ZNF732: variants seen among roughly 807,000 people sequenced by gnomAD.
The protein encoded by ZNF732 is zinc finger protein 732.
ZNF732 carries 12 observed loss-of-function variants against 11.5 expected under a neutral mutation model. The observed-to-expected ratio is 1.05, with a 90% CI of 0.67 to 1.70. ZNF732 has a LOEUF of 1.70. Among genes scored for constraint, ZNF732 ranks in the 40% most tolerant of loss-of-function variants. ZNF732 has a pLI of 0.00. For missense variants in ZNF732, 702 were observed against 676.9 expected (o/e 1.04, Z -0.41); for synonymous variants, 231 against 236.5 (o/e 0.98, Z 0.21).
intron 1 of ZNF732, 39 bp downstream of exon 1, chr4:305,269 G>A: frequency 6.3e-7 from 1 of 1,599,746 alleles, no homozygotes; most frequent in Non-Finnish European, 8.5e-7. Context: ...GTTCGGATGA[G>A]GCCTCCCCAG....
intron 1 of ZNF732, among the ~76,000 whole-genome samples, chr4:299,597 T>G (rs1206365814): frequency 7.2e-6 from 1 of 139,820 alleles, no homozygotes; most frequent in Non-Finnish European, 1.5e-5. Flanking sequence ...TAAATATATA[T>G]TTATAAATTA....
Position 305,442 on chromosome 4 carries a change from G to T in ZNF732, c.-132C>A. 7.6e-7 allele frequency: 1 copy of T among 1,310,758 alleles called. No homozygotes were observed. Among genetic ancestry groups the T allele is most frequent in the Non-Finnish European group, 1.0e-6 (1 of 953,144 alleles). 81.2% of individuals were successfully genotyped at this position (1,310,758 alleles called of 1,614,324 possible). On this transcript the variant is annotated 5_prime_UTR_variant, in exon 1 of 4. Transcript: ENST00000419098. ...TGAGGGGTGAAAGCACGGCCGTGGA[G>T]ACCCTAACCGAGCTCACGCTGGCGC...
At chr4:293,067 CAAAAAAAAAAAAA>C (rs1227557602) in intron 3 of ZNF732, among the ~76,000 whole-genome samples, 1 of 35,150 alleles carries the variant, frequency 2.8e-5, no homozygotes, top group South Asian at 1.1e-3. Flanking sequence ...GACTCCATCT[CAAAAAAAAAAAAA>C]AAAAAAAAAA....
chr4:278,848 G>C (rs1411313140), intron 3 of ZNF732, among the ~76,000 whole-genome samples: 1 of 152,148 alleles, frequency 6.6e-6, no homozygotes, highest in Admixed American at 6.5e-5. Context: ...GGTGAGTGTA[G>C]TGTCTGACTC....
In ZNF732 at chr4:279,574, G is replaced by A. The variant is rs1411357915; in HGVS notation, c.227-6944C>T. Among the ~76,000 whole-genome samples the A allele has an allele frequency of 3.3e-5, 5 of 152,138 alleles. No homozygotes were observed. The East Asian group carries it at 9.6e-4, about 29-fold the overall frequency. On this transcript the variant is annotated intron_variant, in intron 3 of 3. Transcript: ENST00000419098. ...AGGACCTGAAGAGAAAAAAATGGCA[G>A]TTTATTGTTTATGAGGTATGAACTT...
intron 3 of ZNF732, among the ~76,000 whole-genome samples, chr4:281,810 A>C (rs28616744): frequency 6.6e-6 from 1 of 152,238 alleles, no homozygotes; most frequent in African/African-American, 2.4e-5. Flanking sequence ...TCAGGCAAAC[A>C]TAACAGCATG....
chr4:271,109 T>G lies in ZNF732; in HGVS notation c.1748A>C (p.Glu583Ala), dbSNP rs1719343451. The stretch of plus-strand genomic sequence containing the variant: ...ACATTCTTCATATTTCTAGAGTTTC[T>G]CTCCAGTATAAATTTTATTATGTTG... ...LNQHNKIYTG[E>A]KL The change falls in exon 4 of 4, where the codon GAG (glutamate) becomes GCG (alanine). Residue 583 changes from glutamate (E) to alanine (A), a missense_variant. Coordinates refer to ENST00000419098, the MANE Select transcript of ZNF732 (RefSeq NM_001137608.3). 1.3e-6 allele frequency: 2 copies of G among 1,510,032 alleles called. No homozygotes were observed. Among genetic ancestry groups the G allele is most frequent in the East Asian group, 4.8e-5 (2 of 41,302 alleles). 93.5% of individuals were successfully genotyped at this position (1,510,032 alleles called of 1,614,324 possible). A position where few individuals can be genotyped will look rare whatever the true frequency, so the allele number is the denominator to read the frequency against.
chr4:298,818 AG>A (rs1553842925), intron 1 of ZNF732, among the ~76,000 whole-genome samples: 1 of 152,148 alleles, frequency 6.6e-6, no homozygotes, highest in Non-Finnish European at 1.5e-5. Flanking sequence ...GTTTACGGGG[AG>A]GCATTGTTGT....
At chr4:284,671 G>T (rs1034427248) in intron 3 of ZNF732, among the ~76,000 whole-genome samples, 1 of 151,842 alleles carries the variant, frequency 6.6e-6, no homozygotes, top group Admixed American at 6.6e-5. Context: ...AGGCAATCAA[G>T]ACCAGCCTGG....
chr4:271,012 T>G lies in ZNF732; in HGVS notation c.*87A>C. ...CAAAAGCTTTGCCACATTCTTCACA[T>G]TTGTATAGTTTATTTCCAGTATAAA... On this transcript the variant is annotated 3_prime_UTR_variant, in exon 4 of 4. Transcript: ENST00000419098. 1 of 1,129,592 alleles carries G rather than the reference T, an allele frequency of 8.9e-7. No homozygotes were observed. The highest frequency in any genetic ancestry group is 1.3e-6 in the Non-Finnish European group (1 of 790,740). 70.0% of individuals were successfully genotyped at this position (1,129,592 alleles called of 1,614,324 possible).
chr4:287,573 A>G (rs1719758113), intron 3 of ZNF732, among the ~76,000 whole-genome samples: 1 of 152,110 alleles, frequency 6.6e-6, no homozygotes, highest in Non-Finnish European at 1.5e-5. Flanking sequence ...TCAAATGACA[A>G]TACTACCCAG....
chr4:284,222 C>G (rs539875984), intron 3 of ZNF732, among the ~76,000 whole-genome samples: 26 of 152,030 alleles, frequency 1.7e-4, no homozygotes, highest in African/African-American at 6.3e-4. Flanking sequence ...GAAATCATAT[C>G]AAGTTTTTAA....
chr4:276,924 A>G (rs1719510195), intron 3 of ZNF732, among the ~76,000 whole-genome samples: 1 of 151,644 alleles, frequency 6.6e-6, no homozygotes, highest in Non-Finnish European at 1.5e-5. Flanking sequence ...CTATAAAGCT[A>G]TAATAAGCAA....
intron 1 of ZNF732, among the ~76,000 whole-genome samples, chr4:305,104 C>G (rs1186031340): frequency 6.6e-5 from 10 of 152,218 alleles, no homozygotes; most frequent in African/African-American, 2.4e-4. Context: ...GGGCGCAGAG[C>G]TGCACAAGTA....
chr4:281,719 A>G lies in ZNF732; in HGVS notation c.227-9089T>C, dbSNP rs570917501. Among the ~76,000 whole-genome samples, 97 of 152,304 alleles carry G rather than the reference A, an allele frequency of 6.4e-4. 2 individuals are homozygous for G. In the South Asian group the frequency reaches 0.02, roughly 31 times the overall value. On this transcript the variant is annotated intron_variant, in intron 3 of 3. Transcript: ENST00000419098. Reference sequence around the variant, plus strand: ...TGGGAGAAGATATTTACCTCCTCAAACTAGTCTATAATGACTGAAAGAGGT... The same window carrying G: ...TGGGAGAAGATATTTACCTCCTCAAGCTAGTCTATAATGACTGAAAGAGGT...
chr4:275,400 C>T (rs1326222724), intron 3 of ZNF732, among the ~76,000 whole-genome samples: 1 of 150,792 alleles, frequency 6.6e-6, no homozygotes, highest in Non-Finnish European at 1.5e-5. Context: ...ATAGAAACAA[C>T]AATTCCCATA....
At chr4:291,104 A>G (rs1381897610) in intron 3 of ZNF732, among the ~76,000 whole-genome samples, 1 of 152,218 alleles carries the variant, frequency 6.6e-6, no homozygotes, top group African/African-American at 2.4e-5. Flanking sequence ...CTGCTTGCAA[A>G]AGTAGTAAAA....
chr4:304,097 G>A (rs908308801), intron 1 of ZNF732, among the ~76,000 whole-genome samples: 1 of 152,124 alleles, frequency 6.6e-6, no homozygotes, highest in Admixed American at 6.5e-5. Context: ...AGTCTTCCTG[G>A]CACTGTGTGT....
chr4:300,828 A>C (rs1720101585), intron 1 of ZNF732, among the ~76,000 whole-genome samples: 1 of 152,190 alleles, frequency 6.6e-6, no homozygotes, highest in Non-Finnish European at 1.5e-5. Flanking sequence ...TTCACGTCTA[A>C]AACACCAAAA....
Sources: allele counts gnomAD v4.1 joint callset (sites outside exome capture counted in the v4.1 genomes callset), GRCh38; gene constraint gnomAD v4.1.1; transcripts MANE v1.5; gene names NCBI Gene and HGNC (gene_info 2026-07-23, HGNC 2026-07-21).